Variants in SSH2 observed in about 807,000 individuals in gnomAD.
The protein encoded by SSH2 is slingshot protein phosphatase 2.
A neutral mutation model predicts 135.2 loss-of-function variants in SSH2; 37 were observed. The ratio of observed to expected loss-of-function variants is 0.27; its 90% confidence interval spans 0.21 to 0.36. SSH2 has a LOEUF of 0.36. Among genes scored for constraint, SSH2 ranks in the 10% least tolerant of loss-of-function variants. The pLI, the probability that SSH2 is intolerant of heterozygous loss-of-function variation, is 1.00. For missense variants in SSH2, 1,408 were observed against 1,765.3 expected, an observed-to-expected ratio of 0.80 and a Z score of 3.63; for synonymous variants, 628 against 646.2, an observed-to-expected ratio of 0.97 and a Z score of 0.43.
chr17:29,758,446 G>A (rs922945129), intron 3 of SSH2, among the ~76,000 whole-genome samples: 8 of 152,156 alleles, frequency 5.3e-5, no homozygotes. Flanking sequence ...TGAGATAGAT[G>A]TACATTAAAC....
chr17:29,650,628 C>T (rs761174090), intron 13 of SSH2, 26 bp downstream of exon 13: 7 of 1,589,968 alleles, frequency 4.4e-6, no homozygotes, highest in Non-Finnish European at 6.0e-6. Flanking sequence ...ACAGAGATCA[C>T]AACATTGTGC....
At chr17:29,742,538 T>C (rs1264786458) in intron 3 of SSH2, among the ~76,000 whole-genome samples, 1 of 149,390 alleles carries the variant, frequency 6.7e-6, no homozygotes, top group Non-Finnish European at 1.5e-5. Context: ...CTCACTATGT[T>C]GCCCAGGCTG....
At chr17:29,655,797 AT>A (rs1340253582) in intron 11 of SSH2, among the ~76,000 whole-genome samples, 190 bp from the exon 12 acceptor site, 1 of 152,168 alleles carries the variant, frequency 6.6e-6, no homozygotes, top group East Asian at 1.9e-4. Context: ...TGTTATTTTC[AT>A]CTTCATTTTT....
At chr17:29,723,280 C>T (rs961317759) in intron 3 of SSH2, among the ~76,000 whole-genome samples, 1 of 152,140 alleles carries the variant, frequency 6.6e-6, no homozygotes, top group African/African-American at 2.4e-5. Flanking sequence ...AAAGCAAAGA[C>T]AATACAGTTG....
intron 2 of SSH2, among the ~76,000 whole-genome samples, chr17:29,798,319 C>T (rs557615027): frequency 1.3e-5 from 2 of 151,942 alleles, no homozygotes; most frequent in South Asian, 2.1e-4. Flanking sequence ...CCACCGTGCC[C>T]GGCTAATTTT....
intron 1 of SSH2, among the ~76,000 whole-genome samples, chr17:29,898,837 T>A (rs1191726208): frequency 1.3e-5 from 2 of 152,138 alleles, no homozygotes; most frequent in Admixed American, 6.5e-5. Flanking sequence ...AAAAAGAGAA[T>A]TTTAACCAAT....
At chr17:29,867,623 AAAG>A (rs1233587036) in intron 1 of SSH2, among the ~76,000 whole-genome samples, 1 of 152,226 alleles carries the variant, frequency 6.6e-6, no homozygotes, top group African/African-American at 2.4e-5. Flanking sequence ...CATCTGAAGA[AAAG>A]AAGACACTGA....
intron 13 of SSH2, among the ~76,000 whole-genome samples, chr17:29,650,408 C>G (rs548393515): frequency 7.3e-4 from 111 of 152,260 alleles, no homozygotes; most frequent in African/African-American, 2.6e-3. Context: ...CAGTTTAAGT[C>G]TATTTTCTTT....
intron 9 of SSH2, among the ~76,000 whole-genome samples, chr17:29,671,168 TTA>T (rs2037476438): frequency 6.6e-6 from 1 of 151,048 alleles, no homozygotes; most frequent in African/African-American, 2.5e-5. Flanking sequence ...GATAAAATAT[TTA>T]AAAAAAATTT....
chr17:29,927,629 C>T (rs1295557406), intron 1 of SSH2, among the ~76,000 whole-genome samples: 3 of 152,096 alleles, frequency 2.0e-5, no homozygotes, highest in Non-Finnish European at 4.4e-5. Flanking sequence ...GATAGAACAG[C>T]AAAATATATG....
At chr17:29,837,815 A>C (rs2042968447) in intron 2 of SSH2, among the ~76,000 whole-genome samples, 1 of 152,212 alleles carries the variant, frequency 6.6e-6, no homozygotes, top group African/African-American at 2.4e-5. Context: ...CGCAAAGAGG[A>C]GGCATGGCCA....
Position 29,684,772 on chromosome 17 carries a change from C to T in SSH2, c.358-88G>A, listed in dbSNP as rs545473926. 3.9e-6 allele frequency: 5 copies of T among 1,298,634 alleles called. No individual in the cohort carries two copies. In the African/African-American group the frequency reaches 5.9e-5, roughly 15 times the overall value. The allele number at this position is 1,298,634 out of a possible 1,614,324, so 80.4% of individuals were successfully genotyped here. On this transcript the variant is annotated intron_variant, in intron 5 of 15. Coordinates refer to ENST00000540801, the MANE Select transcript of SSH2 (RefSeq NM_001282129.2). ...ACCCTTTTTCATCAGCATCTTAAAG[C>T]ATACTCACGAAGGCAGCAGAGCCAG...
intron 8 of SSH2, chr17:29,673,942 G>T: frequency 5.3e-5 from 16 of 301,046 alleles, no homozygotes; most frequent in South Asian, 8.8e-5. Flanking sequence ...TTTATTTTTT[G>T]CTATTATTAG....
chr17:29,835,958 C>T (rs995613337), intron 2 of SSH2, among the ~76,000 whole-genome samples: 1 of 77,586 alleles, frequency 1.3e-5, no homozygotes, highest in African/African-American at 4.5e-5. Flanking sequence ...GACTTCGTCT[C>T]AAAAAAAAAA....
chr17:29,665,418 T>C (rs1194148464), intron 11 of SSH2, among the ~76,000 whole-genome samples: 2 of 152,226 alleles, frequency 1.3e-5, no homozygotes, highest in African/African-American at 4.8e-5. Flanking sequence ...CAACAAGTTA[T>C]TTCAGGGCAC....
In SSH2 at chr17:29,650,768, A is replaced by G; in HGVS notation, c.1112T>C (p.Ile371Thr). 2 of 1,613,932 alleles carry G rather than the reference A, an allele frequency of 1.2e-6. No individual in the cohort carries two copies. The highest frequency in any genetic ancestry group is 1.7e-6 in the Non-Finnish European group (2 of 1,179,892). The change falls in exon 13 of 16, where the codon ATA becomes ACA. Residue 371 changes from isoleucine (I) to threonine (T), a missense_variant. Transcript: ENST00000540801. ...VRYILNVTRE[I>T]DNFFPGVFEY... ...AAAGACTCCTGGGAAGAAGTTATCT[A>G]TCTCTCGAGTGACATTCAAGATATA...
chr17:29,692,172 A>T (rs1030009233), intron 5 of SSH2, among the ~76,000 whole-genome samples: 2 of 151,864 alleles, frequency 1.3e-5, no homozygotes, highest in African/African-American at 4.8e-5. Context: ...AAAATAAAAA[A>T]AAAAAAACAA....
intron 4 of SSH2, among the ~76,000 whole-genome samples, chr17:29,697,555 G>C (rs1184982661): frequency 6.6e-6 from 1 of 152,016 alleles, no homozygotes; most frequent in Non-Finnish European, 1.5e-5. Flanking sequence ...ACTTTGGGAG[G>C]CTGAAGCGGG....
At chr17:29,751,266 G>T (rs764190191) in intron 3 of SSH2, among the ~76,000 whole-genome samples, 20 of 151,992 alleles carry the variant, frequency 1.3e-4, no homozygotes, top group Non-Finnish European at 2.8e-4. Context: ...AAATACAAAA[G>T]TAGCCAGGTG....
Sources: gnomAD v4.1 joint callset for allele counts (sites outside exome capture counted in the v4.1 genomes callset) on GRCh38, gnomAD v4.1.1 for gene constraint, MANE v1.5 for transcripts, NCBI Gene and HGNC (gene_info 2026-07-23, HGNC 2026-07-21) for gene names.